Variants in MAST4 observed in about 807,000 individuals in gnomAD.
The protein encoded by MAST4 is microtubule associated serine/threonine kinase family member 4, also known as microtubule-associated serine/threonine-protein kinase 4.
In MAST4, 89 loss-of-function variants were observed where a neutral mutation model predicts 162.7. The ratio of observed to expected loss-of-function variants is 0.55; its 90% CI spans 0.46 to 0.65. The LOEUF is 0.65. Among genes scored for constraint, MAST4 ranks in the 30% least tolerant of loss-of-function variants. The pLI, the probability that MAST4 is intolerant of heterozygous loss-of-function variation, is 0.00. For missense variants in MAST4, 3,153 were observed against 3,374.0 expected (o/e 0.93, Z 1.62); for synonymous variants, 1,479 against 1,361.1 (o/e 1.09, Z -1.91).
At chr5:66,942,103 G>A (rs776407817) in intron 4 of MAST4, among the ~76,000 whole-genome samples, 31 of 152,172 alleles carry the variant, frequency 2.0e-4, no homozygotes, top group South Asian at 4.1e-4. Context: ...TGACATAGAG[G>A]CATGAAGTGA....
intron 2 of MAST4, among the ~76,000 whole-genome samples, chr5:66,768,761 T>A (rs1032280127): frequency 6.6e-6 from 1 of 152,108 alleles, no homozygotes; most frequent in Non-Finnish European, 1.5e-5. Flanking sequence ...TGTACTAAGG[T>A]TTTTCAAGAT....
intron 3 of MAST4, among the ~76,000 whole-genome samples, chr5:66,870,052 A>G (rs1464500545): frequency 7.9e-5 from 12 of 152,302 alleles, no homozygotes; most frequent in Non-Finnish European, 1.5e-5. Context: ...TGTGTTTGGC[A>G]TGGAATGAAT....
intron 4 of MAST4, among the ~76,000 whole-genome samples, chr5:67,025,995 A>G (rs568392825): frequency 6.6e-6 from 1 of 152,288 alleles, no homozygotes; most frequent in South Asian, 2.1e-4. Context: ...GCACCTACCT[A>G]CTTGTCAGGC....
intron 4 of MAST4, among the ~76,000 whole-genome samples, chr5:66,913,494 A>G (rs1384797864): frequency 6.6e-6 from 1 of 152,212 alleles, no homozygotes; most frequent in Non-Finnish European, 1.5e-5. Context: ...ATCCTATTGA[A>G]TGACTGTGTC....
Position 67,164,786 on chromosome 5 carries a change from C to T in MAST4, c.5607C>T (p.Ser1869=). 6.2e-7 allele frequency: 1 copy of T among 1,613,970 alleles called. No homozygotes were observed. Among genetic ancestry groups the T allele is most frequent in the Non-Finnish European group, 8.5e-7 (1 of 1,179,876 alleles). ...LSPSSLKMNK[S]YLLEPWFLPP... ...CTTCCAGCTTAAAGATGAATAAATC[C>T]TACCTGCTGGAGCCTTGGTTCCTGC... is the stretch of plus-strand genomic sequence containing the variant. Residue 1869 remains serine, a synonymous_variant, in exon 29 of 29, where the codon TCC becomes TCT. Coordinates refer to ENST00000403625, the MANE Select transcript of MAST4 (RefSeq NM_001164664.2). This position sits in a 1 kb window ranked among gnomAD's most constrained non-coding sequence, Gnocchi z 5.3.
intron 1 of MAST4, among the ~76,000 whole-genome samples, chr5:66,677,592 A>G (rs564653020): frequency 6.6e-6 from 1 of 152,324 alleles, no homozygotes; most frequent in East Asian, 1.9e-4. Context: ...TGAGACTAGT[A>G]AGAGAGATAG....
At chr5:67,005,156 C>T in intron 4 of MAST4, 2 of 718,096 alleles carry the variant, frequency 2.8e-6, no homozygotes, top group Non-Finnish European at 5.2e-6. Context: ...GCGGAGCTGC[C>T]TGAGCCCCTC....
chr5:66,974,667 C>G (rs1747898911), intron 4 of MAST4, among the ~76,000 whole-genome samples: 1 of 152,170 alleles, frequency 6.6e-6, no homozygotes, highest in African/African-American at 2.4e-5. Context: ...AAAAATGAAA[C>G]ACTTGACTAT....
At chr5:66,785,187 C>T (rs950117396) in intron 2 of MAST4, among the ~76,000 whole-genome samples, 2 of 152,090 alleles carry the variant, frequency 1.3e-5, no homozygotes, top group Admixed American at 1.3e-4. Flanking sequence ...GCTGAGATTG[C>T]GCCATTGTAC....
intron 1 of MAST4, among the ~76,000 whole-genome samples, chr5:66,688,293 C>A (rs890365903): frequency 5.9e-5 from 9 of 152,202 alleles, no homozygotes; most frequent in Non-Finnish European, 1.3e-4. Flanking sequence ...ATTTGACACA[C>A]CCACTCAAAT....
At chr5:66,760,365 T>C (rs1041256655) in intron 2 of MAST4, among the ~76,000 whole-genome samples, 2 of 152,090 alleles carry the variant, frequency 1.3e-5, no homozygotes, top group Non-Finnish European at 2.9e-5. Context: ...CTGCCTGCCG[T>C]GGCCTCCCAA....
In MAST4 at chr5:66,598,042, G is replaced by A. The variant is rs548369469; in HGVS notation, c.363+1024G>A. Among the ~76,000 whole-genome samples the A allele has an allele frequency of 4.3e-4, 66 of 152,254 alleles. 2 individuals are homozygous for A. In the South Asian group the frequency reaches 0.013, roughly 31 times the overall value. On this transcript the variant is annotated intron_variant, in intron 1 of 28. Transcript: ENST00000403625. ...GCCAGTGTTGTATTTTCCTCATCTT[G>A]GATGGGGTTAGCTTTAGTAAATAAT...
At chr5:67,131,653 A>C (rs537719264) in intron 15 of MAST4, among the ~76,000 whole-genome samples, 160 bp from the exon 16 acceptor site, 1 of 152,324 alleles carries the variant, frequency 6.6e-6, no homozygotes, top group Non-Finnish European at 1.5e-5. Flanking sequence ...ACTGTTTCTT[A>C]GTTAGAAACA....
chr5:66,724,760 A>G (rs1233398530), intron 1 of MAST4, among the ~76,000 whole-genome samples: 2 of 152,106 alleles, frequency 1.3e-5, no homozygotes, highest in Non-Finnish European at 2.9e-5. Context: ...CCAAACATAG[A>G]AAAGGTACAG....
At chr5:66,965,225 C>CTTTTTTTTTTTTTTT (rs1187971815) in intron 4 of MAST4, among the ~76,000 whole-genome samples, 5 of 84,898 alleles carry the variant, frequency 5.9e-5, no homozygotes, top group African/African-American at 4.6e-5. Flanking sequence ...TTTTTTTTTG[C>CTTTTTTTTTTTTTTT]TTTTTTTTTT....
chr5:66,646,093 G>A (rs1214211484), intron 1 of MAST4, among the ~76,000 whole-genome samples: 2 of 152,138 alleles, frequency 1.3e-5, no homozygotes, highest in Non-Finnish European at 1.5e-5. Flanking sequence ...TTGAAACAAT[G>A]AGATATTTTT....
intron 4 of MAST4, chr5:66,986,622 ATT>A (rs1749541434): frequency 1.2e-5 from 3 of 252,248 alleles, no homozygotes; most frequent in Non-Finnish European, 2.0e-5. Context: ...ATATATATTT[ATT>A]TATTTATTTA....
chr5:66,909,765 C>T (rs1763621216), intron 4 of MAST4, among the ~76,000 whole-genome samples: 1 of 151,618 alleles, frequency 6.6e-6, no homozygotes, highest in Non-Finnish European at 1.5e-5. Context: ...TTGTAAAAAT[C>T]CCCACGTCAA....
In MAST4 at chr5:66,684,477, G is replaced by A. The variant is rs75555382; in HGVS notation, c.364-75232G>A. 2.0e-3 allele frequency among the ~76,000 whole-genome samples: 304 copies of A among 152,238 alleles called. 4 individuals carry two copies. In the East Asian group the frequency reaches 0.051, roughly 26 times the overall value. ...AGCGACAGTAGGTTCAATTAAATGC[G>A]TTTGGAAATCGGGTGCCTAAATTGC... On this transcript the variant is annotated intron_variant, in intron 1 of 28. Transcript: ENST00000403625.
Sources: gnomAD v4.1 joint callset for allele counts (sites outside exome capture counted in the v4.1 genomes callset) on GRCh38, gnomAD v4.1.1 for gene constraint, Gnocchi (gnomAD v3.1) non-coding constraint, MANE v1.5 for transcripts, NCBI Gene and HGNC (gene_info 2026-07-23, HGNC 2026-07-21) for gene names.